The following DHRS4L2 variants were observed in gnomAD, a reference collection of about 807,000 sequenced individuals.
The protein encoded by DHRS4L2 is dehydrogenase/reductase SDR family member 4-like 2.
Under a neutral mutation model 23.9 loss-of-function variants are expected in DHRS4L2, and 22 were observed. The observed-to-expected ratio is 0.92, with a 90% confidence interval of 0.66 to 1.31. DHRS4L2 has a LOEUF of 1.31. Among genes scored for constraint, DHRS4L2 ranks in the 40% most tolerant of loss-of-function variants. The pLI, the probability that DHRS4L2 is intolerant of heterozygous loss-of-function variation, is 0.00. For synonymous variants in DHRS4L2, 141 were observed against 123.7 expected (o/e 1.14, Z -0.93); for missense variants, 385 against 303.3 (o/e 1.27, Z -2.00).
rs780334736 is a variant in DHRS4L2, at chr14:24,004,309, C to T, written c.666-28C>T. The T allele has an allele frequency of 7.0e-5, 96 of 1,377,894 alleles. 1 individual carries two copies. The highest frequency in any genetic ancestry group is 8.7e-5 in the Non-Finnish European group (91 of 1,048,008). The allele number at this position is 1,377,894 out of a possible 1,614,324, so 85.4% of individuals were successfully genotyped here. A position where few individuals can be genotyped will look rare whatever the true frequency, so the allele number is the denominator to read the frequency against. On this transcript the variant is annotated intron_variant, in intron 6 of 7. Coordinates refer to ENST00000335125, the MANE Select transcript of DHRS4L2 (RefSeq NM_198083.4). The stretch of plus-strand genomic sequence containing the variant: ...AAAAAGAAAGGAAAAGAAAAAAAAA[C>T]ATAAAGAGATTTCCCTTCTTCCTAC...
At chr14:23,970,278 C>A (rs1269649715) in exon 1 of DHRS4L2, 1 of 450,340 alleles carries the variant, frequency 2.2e-6, no homozygotes, top group African/African-American at 2.1e-5. Context: ...CCCTGCATCT[C>A]AGTCCTGACA....
At chr14:23,976,632 C>A (rs1379157191) in intron 1 of DHRS4L2, among the ~76,000 whole-genome samples, 1 of 151,816 alleles carries the variant, frequency 6.6e-6, no homozygotes, top group Non-Finnish European at 1.5e-5. Flanking sequence ...ATAAATCATT[C>A]TACTATAAAG....
upstream of DHRS4L2, among the ~76,000 whole-genome samples, chr14:23,986,507 T>TA (rs33932387): frequency 0.057 from 7,616 of 133,618 alleles, 397 homozygotes; most frequent in African/African-American, 0.14. Flanking sequence ...TAAAGTATAA[T>TA]AAAAAAAAAA....
At chr14:23,988,722 C>T (rs1226354094), upstream of DHRS4L2, 1 of 1,295,884 alleles carries the variant, frequency 7.7e-7, no homozygotes, top group Non-Finnish European at 1.0e-6. Flanking sequence ...GCGCTTTGAT[C>T]ACTCACCAGC....
chr14:23,985,953 G>C (rs1178096017), upstream of DHRS4L2, among the ~76,000 whole-genome samples: 1 of 151,416 alleles, frequency 6.6e-6, no homozygotes, highest in African/African-American at 2.4e-5. Flanking sequence ...GCTAATTTTT[G>C]TATTTTTAGT....
chr14:23,993,592 G>A (rs975896557), intron 2 of DHRS4L2, among the ~76,000 whole-genome samples: 2 of 145,040 alleles, frequency 1.4e-5, no homozygotes, highest in African/African-American at 4.9e-5. Flanking sequence ...GAAAACCCTT[G>A]TTGGCAGATT....
chr14:23,990,030 A>G (rs2034233085), intron 1 of DHRS4L2, 152 bp from the exon 2 acceptor site: 2 of 1,273,606 alleles, frequency 1.6e-6, no homozygotes, highest in African/African-American at 3.0e-5. Flanking sequence ...TGGCCATGCC[A>G]TTAAGCCTGT....
intron 1 of DHRS4L2, among the ~76,000 whole-genome samples, chr14:23,975,675 A>G (rs1311067855): frequency 6.6e-6 from 1 of 151,842 alleles, no homozygotes; most frequent in Non-Finnish European, 1.5e-5. Flanking sequence ...ACCTGACTTC[A>G]AACTATACTG....
upstream of DHRS4L2, among the ~76,000 whole-genome samples, chr14:23,986,481 C>T (rs1240120387): frequency 2.7e-5 from 4 of 147,092 alleles, no homozygotes; most frequent in Non-Finnish European, 4.5e-5. Context: ...ACGTTGTACA[C>T]GTGCACCCTA....
At chr14:23,972,521 G>C (rs926396631) in intron 1 of DHRS4L2, among the ~76,000 whole-genome samples, 3 of 151,948 alleles carry the variant, frequency 2.0e-5, no homozygotes, top group African/African-American at 7.2e-5. Context: ...AAGAGTGAAA[G>C]AACAAAGCTT....
At chr14:23,976,488 G>A (rs1313547328) in intron 1 of DHRS4L2, among the ~76,000 whole-genome samples, 4 of 151,786 alleles carry the variant, frequency 2.6e-5, no homozygotes, top group Admixed American at 2.6e-4. Flanking sequence ...AAATAGGAAG[G>A]CTTTTAGACT....
chr14:23,972,015 T>C (rs368576458), intron 1 of DHRS4L2, among the ~76,000 whole-genome samples: 5 of 152,034 alleles, frequency 3.3e-5, no homozygotes, highest in Non-Finnish European at 5.9e-5. Flanking sequence ...AATGCCCCAA[T>C]TAAAAGACAC....
chr14:23,977,588 C>T (rs745414423), intron 1 of DHRS4L2, among the ~76,000 whole-genome samples: 2 of 151,582 alleles, frequency 1.3e-5, no homozygotes, highest in Admixed American at 1.3e-4. Context: ...CTGTGGGAAC[C>T]CCCAAAATCA....
chr14:23,993,656 T>C (rs1489341259), intron 2 of DHRS4L2, among the ~76,000 whole-genome samples: 1 of 151,710 alleles, frequency 6.6e-6, no homozygotes, highest in Non-Finnish European at 1.5e-5. Context: ...TTATAACTTA[T>C]TAAGGAGGTG....
chr14:23,998,601 T>C (rs1311555335), intron 3 of DHRS4L2, among the ~76,000 whole-genome samples: 1 of 151,536 alleles, frequency 6.6e-6, no homozygotes, highest in Admixed American at 6.6e-5. Flanking sequence ...TTAAACCTCA[T>C]GAACCAACCA....
At chr14:23,992,444 G>C (rs8003263) in intron 2 of DHRS4L2, among the ~76,000 whole-genome samples, 1 of 151,518 alleles carries the variant, frequency 6.6e-6, no homozygotes, top group African/African-American at 2.4e-5. Flanking sequence ...TCTTCTGCCA[G>C]TTGCCACATG....
rs370015855 is a variant in DHRS4L2 at position 23,991,987 on chromosome 14, G to A, written c.306+1628G>A. ...CTGACCTCAGGTGATCCACCCCCTC[G>A]GCCTCTCAAAGTGCTGGGATTACAG... On this transcript the variant is annotated intron_variant, in intron 2 of 7. Transcript: ENST00000335125. Among the ~76,000 whole-genome samples the A allele has an allele frequency of 2.1e-3, 316 of 151,420 alleles. 5 individuals are homozygous for A. Among genetic ancestry groups the A allele is most frequent in the Non-Finnish European group, 3.6e-3 (245 of 67,812 alleles).
intron 1 of DHRS4L2, among the ~76,000 whole-genome samples, chr14:23,972,194 G>A (rs550531606): frequency 2.8e-4 from 43 of 152,180 alleles, no homozygotes; most frequent in African/African-American, 1.0e-3. Flanking sequence ...CGCGGTGAGT[G>A]TTACAGTTCT....
At chr14:23,984,818 A>G (rs1003945840), upstream of DHRS4L2, among the ~76,000 whole-genome samples, 6 of 150,696 alleles carry the variant, frequency 4.0e-5, no homozygotes, top group Non-Finnish European at 8.9e-5. Flanking sequence ...AAAAAAAAAA[A>G]AAAAAAAGAA....
Sources: gnomAD v4.1 joint callset for allele counts (sites outside exome capture counted in the v4.1 genomes callset) on GRCh38, gnomAD v4.1.1 for gene constraint, MANE v1.5 for transcripts, NCBI Gene and HGNC (gene_info 2026-07-23, HGNC 2026-07-21) for gene names.